ASIC2: variants seen among roughly 807,000 people sequenced by gnomAD.
ASIC2 encodes acid sensing ion channel subunit 2.
Under a neutral mutation model 57.3 loss-of-function variants are expected in ASIC2, and 25 were observed. That is an observed-to-expected ratio of 0.44 (90% CI 0.32 to 0.61). The LOEUF is 0.61. Among genes scored for constraint, ASIC2 ranks in the 20% least tolerant of loss-of-function variants. ASIC2 has a pLI of 0.06. For missense variants in ASIC2, 641 were observed against 738.1 expected (o/e 0.87, Z 1.52); for synonymous variants, 319 against 307.5 (o/e 1.04, Z -0.39).
At chr17:33,126,856 C>CTTTTTTTTTT (rs1159710708) in intron 1 of ASIC2, among the ~76,000 whole-genome samples, 3 of 85,324 alleles carry the variant, frequency 3.5e-5, no homozygotes, top group African/African-American at 4.8e-5. Flanking sequence ...TACCATTACT[C>CTTTTTTTTTT]TTTTTTTTTT....
intron 1 of ASIC2, among the ~76,000 whole-genome samples, chr17:33,395,774 G>A (rs892484453): frequency 2.0e-4 from 31 of 152,166 alleles, no homozygotes; most frequent in Non-Finnish European, 2.9e-5. Flanking sequence ...AGAGGGGCAA[G>A]GCAAGTGTGA....
At chr17:33,438,246 T>C (rs1911697913) in intron 1 of ASIC2, among the ~76,000 whole-genome samples, 1 of 152,214 alleles carries the variant, frequency 6.6e-6, no homozygotes, top group African/African-American at 2.4e-5. Context: ...CTTTAAATAG[T>C]AGCTTGGAGG....
chr17:33,975,719 C>T (rs1050125405), intron 1 of ASIC2, among the ~76,000 whole-genome samples: 2 of 152,082 alleles, frequency 1.3e-5, no homozygotes, highest in South Asian at 4.1e-4. Context: ...GATGCTTCCT[C>T]TCTTTGGTTT....
At chr17:33,087,763 T>C (rs998237643) in intron 3 of ASIC2, among the ~76,000 whole-genome samples, 2 of 151,844 alleles carry the variant, frequency 1.3e-5, no homozygotes, top group Non-Finnish European at 2.9e-5. Context: ...CTCATAATGT[T>C]GCCCAGGCTG....
At chr17:33,539,325 G>C (rs1915332914) in intron 1 of ASIC2, among the ~76,000 whole-genome samples, 1 of 152,236 alleles carries the variant, frequency 6.6e-6, no homozygotes, top group South Asian at 2.1e-4. Context: ...GTCAATCAAG[G>C]CTGCGCCTGC....
At chr17:33,710,597 T>A (rs962558391) in intron 1 of ASIC2, among the ~76,000 whole-genome samples, 2 of 152,248 alleles carry the variant, frequency 1.3e-5, no homozygotes, top group African/African-American at 4.8e-5. Context: ...AATTTACTTT[T>A]ACTTTGTTTC....
chr17:33,238,015 C>T (rs319763), intron 1 of ASIC2, among the ~76,000 whole-genome samples: 84,075 of 152,104 alleles, frequency 0.55, 24,084 homozygotes, highest in Non-Finnish European at 0.63. Context: ...TTACAAACGA[C>T]GAAACAGGAT....
intron 1 of ASIC2, among the ~76,000 whole-genome samples, chr17:33,658,368 G>C (rs138605505): frequency 6.6e-6 from 1 of 152,284 alleles, no homozygotes; most frequent in East Asian, 1.9e-4. Flanking sequence ...TTAGTGTGTG[G>C]TTTAAAAAAA....
Position 34,110,882 on chromosome 17 carries a change from G to T in ASIC2, c.555+45096C>A, listed in dbSNP as rs141276255. ...ATCATATCGTCCAGCATCTTCACTA[G>T]TAAAGGGCACAGGGCTCTTTTCATT... On this transcript the variant is annotated intron_variant, in intron 1 of 9. Coordinates refer to the ASIC2 transcript ENST00000359872. Among the ~76,000 whole-genome samples, 844 of 152,216 alleles carry T rather than the reference G, an allele frequency of 5.5e-3. 5 individuals are homozygous for T. Among genetic ancestry groups the T allele is most frequent in the African/African-American group, 0.019 (787 of 41,512 alleles).
chr17:33,141,109 C>T (rs972997887), intron 1 of ASIC2, among the ~76,000 whole-genome samples: 9 of 152,358 alleles, frequency 5.9e-5, no homozygotes, highest in African/African-American at 2.2e-4. Flanking sequence ...AGCTGTGTCT[C>T]TCGCATCAGA....
At chr17:33,440,311 C>T (rs1911780128) in intron 1 of ASIC2, among the ~76,000 whole-genome samples, 1 of 152,210 alleles carries the variant, frequency 6.6e-6, no homozygotes, top group Admixed American at 6.5e-5. Flanking sequence ...CAGTGCTTCA[C>T]TCTTTTTATT....
At chr17:34,016,100 G>T (rs1906943430) in intron 1 of ASIC2, among the ~76,000 whole-genome samples, 1 of 152,162 alleles carries the variant, frequency 6.6e-6, no homozygotes, top group Non-Finnish European at 1.5e-5. Flanking sequence ...TATAAGATGT[G>T]CTCATATGTA....
rs1013361929 is a variant in ASIC2 at position 33,279,097 on chromosome 17, A to G, written c.708+12311T>C. ...TAGAAGAGATGAGATTTTTAGAAAC[A>G]GTATTTTTCTTTTGTCTTATGCGTT... On this transcript the variant is annotated intron_variant, in intron 1 of 9. Transcript: ENST00000225823. Among the ~76,000 whole-genome samples the G allele has an allele frequency of 2.0e-5, 3 of 152,316 alleles. No homozygotes were observed. The East Asian group carries it at 5.8e-4, about 29-fold the overall frequency.
Position 33,789,463 on chromosome 17 carries a change from G to GTCTC in ASIC2, c.555+366514_555+366515insGAGA, listed in dbSNP as rs74672095. On this transcript the variant is annotated intron_variant, in intron 1 of 9. Coordinates refer to the ASIC2 transcript ENST00000359872. ...TTGTGAGATTTAGCAGAGAATCATGGTCACACACACACACACACACACACA... is the reference window on the plus strand; with the variant it reads ...TTGTGAGATTTAGCAGAGAATCATGGTCTCTCACACACACACACACACACACACA... Among the ~76,000 whole-genome samples, 297 of 60,446 alleles carry GTCTC rather than the reference G, an allele frequency of 4.9e-3. 3 individuals are homozygous for GTCTC. The highest frequency in any genetic ancestry group is 0.013 in the African/African-American group (247 of 19,306). The allele number at this position is 60,446 out of a possible 152,430, so 39.7% of individuals were successfully genotyped here.
intron 1 of ASIC2, among the ~76,000 whole-genome samples, chr17:33,179,221 A>G (rs1905881169): frequency 6.6e-6 from 1 of 152,178 alleles, no homozygotes; most frequent in Admixed American, 6.5e-5. Context: ...AGCTCCTTCC[A>G]TCCTTCCAGT....
intron 1 of ASIC2, among the ~76,000 whole-genome samples, chr17:34,043,974 G>A (rs760432520): frequency 6.6e-6 from 1 of 152,156 alleles, no homozygotes; most frequent in Non-Finnish European, 1.5e-5. Flanking sequence ...TACAAAATTG[G>A]TGACCTTTAC....
chr17:33,813,122 T>C (rs1444162610), intron 1 of ASIC2, among the ~76,000 whole-genome samples: 1 of 152,172 alleles, frequency 6.6e-6, no homozygotes, highest in South Asian at 2.1e-4. Context: ...AAAGCCTTTA[T>C]AGGATAGTGA....
intron 1 of ASIC2, among the ~76,000 whole-genome samples, chr17:33,404,680 T>A (rs1417447159): frequency 1.3e-5 from 2 of 152,226 alleles, no homozygotes; most frequent in Non-Finnish European, 2.9e-5. Flanking sequence ...TACCATGCAC[T>A]CTTCTGGGCT....
intron 1 of ASIC2, among the ~76,000 whole-genome samples, chr17:33,363,529 GACA>G (rs1447298765): frequency 6.6e-6 from 1 of 152,214 alleles, no homozygotes; most frequent in Non-Finnish European, 1.5e-5. Flanking sequence ...GCACAGGAAG[GACA>G]ACAACAGCTG....
Sources: allele counts gnomAD v4.1 joint callset (sites outside exome capture counted in the v4.1 genomes callset), GRCh38; gene constraint gnomAD v4.1.1; transcripts MANE v1.5; gene names NCBI Gene and HGNC (gene_info 2026-07-23, HGNC 2026-07-21).